PDE3A: variants seen among roughly 807,000 people sequenced by gnomAD.
PDE3A encodes cGMP-inhibited 3',5'-cyclic phosphodiesterase 3A.
PDE3A carries 43 observed loss-of-function variants against 98.3 expected under a neutral mutation model. That is an observed-to-expected ratio of 0.44 (90% CI 0.34 to 0.56). PDE3A has a LOEUF of 0.56. Ranked by LOEUF, PDE3A falls within the 20% of genes least tolerant of loss-of-function variation. The pLI is 0.01. For missense variants in PDE3A, 1,427 were observed against 1,440.7 expected (o/e 0.99, Z 0.15); for synonymous variants, 663 against 567.9 (o/e 1.17, Z -2.38).
chr12:20,390,469 A>AC (rs1285186024), intron 1 of PDE3A, among the ~76,000 whole-genome samples: 25 of 151,338 alleles, frequency 1.7e-4, no homozygotes, highest in African/African-American at 2.4e-4. Flanking sequence ...AAAAAAAAAA[A>AC]AAAACTGCAG....
intron 13 of PDE3A, 125 bp downstream of exon 13, chr12:20,649,016 C>T: frequency 1.6e-6 from 1 of 633,760 alleles, no homozygotes; most frequent in Non-Finnish European, 2.7e-6. Context: ...GCCTCTGCCT[C>T]CTGGGTTCAA....
At chr12:20,541,040 T>G (rs1941887263) in intron 1 of PDE3A, among the ~76,000 whole-genome samples, 2 of 149,978 alleles carry the variant, frequency 1.3e-5, no homozygotes, top group Non-Finnish European at 1.5e-5. Flanking sequence ...AAGTGTATAT[T>G]ATTGACTCAA....
chr12:20,405,377 C>G (rs1469125651), intron 1 of PDE3A, among the ~76,000 whole-genome samples: 1 of 152,134 alleles, frequency 6.6e-6, no homozygotes, highest in East Asian at 1.9e-4. Flanking sequence ...GACCTAAATT[C>G]TCTTCTGTGC....
intron 1 of PDE3A, among the ~76,000 whole-genome samples, chr12:20,444,957 G>C (rs1034435973): frequency 1.3e-5 from 2 of 152,266 alleles, no homozygotes; most frequent in East Asian, 1.9e-4. Context: ...GAGCCTACGC[G>C]GGATCAGTAA....
At chr12:20,540,375 C>A (rs1016452595) in intron 1 of PDE3A, among the ~76,000 whole-genome samples, 4 of 152,014 alleles carry the variant, frequency 2.6e-5, no homozygotes, top group Non-Finnish European at 5.9e-5. Context: ...CAAACTCAAG[C>A]GGAGAATTCC....
At chr12:20,568,326 AT>A (rs1278832552) in intron 2 of PDE3A, among the ~76,000 whole-genome samples, 1 of 152,006 alleles carries the variant, frequency 6.6e-6, no homozygotes, top group African/African-American at 2.4e-5. Flanking sequence ...AACATCAACT[AT>A]TTTTATCTGG....
intron 6 of PDE3A, among the ~76,000 whole-genome samples, chr12:20,632,738 G>T (rs1256408838): frequency 6.6e-6 from 1 of 151,910 alleles, no homozygotes; most frequent in Non-Finnish European, 1.5e-5. Flanking sequence ...ATCCTATGTA[G>T]TCAGTCATCA....
At chr12:20,602,131 T>G (rs1406910616) in intron 2 of PDE3A, among the ~76,000 whole-genome samples, 1 of 152,226 alleles carries the variant, frequency 6.6e-6, no homozygotes, top group Non-Finnish European at 1.5e-5. Flanking sequence ...TGTTTTTTAT[T>G]TACAAAGTAA....
intron 2 of PDE3A, among the ~76,000 whole-genome samples, chr12:20,603,169 G>A (rs1943632844): frequency 6.6e-6 from 1 of 152,100 alleles, no homozygotes; most frequent in South Asian, 2.1e-4. Context: ...AAGCCCCAGT[G>A]ACTATTTCCT....
chr12:20,395,647 A>ATATTATATAT (rs1168635315), intron 1 of PDE3A, among the ~76,000 whole-genome samples: 3 of 146,444 alleles, frequency 2.0e-5, no homozygotes, highest in Non-Finnish European at 3.0e-5. Flanking sequence ...ATATACACAT[A>ATATTATATAT]GTATTATATA....
At chr12:20,522,703 A>G (rs956789588) in intron 1 of PDE3A, among the ~76,000 whole-genome samples, 5 of 152,156 alleles carry the variant, frequency 3.3e-5, no homozygotes, top group Non-Finnish European at 7.3e-5. Context: ...TGTTGAATAA[A>G]TTGGAAATGT....
intron 1 of PDE3A, among the ~76,000 whole-genome samples, chr12:20,475,772 T>G (rs1945522631): frequency 6.6e-6 from 1 of 152,032 alleles, no homozygotes; most frequent in Admixed American, 6.6e-5. Context: ...GAGAAAATGC[T>G]TTCAGTTTTG....
intron 2 of PDE3A, among the ~76,000 whole-genome samples, chr12:20,564,156 T>C (rs1942598592): frequency 6.6e-6 from 1 of 152,058 alleles, no homozygotes; most frequent in South Asian, 2.1e-4. Flanking sequence ...AGTATATTAG[T>C]TCTCTAGCAT....
At chr12:20,472,712 A>C (rs1455962716) in intron 1 of PDE3A, among the ~76,000 whole-genome samples, 1 of 152,180 alleles carries the variant, frequency 6.6e-6, no homozygotes, top group Non-Finnish European at 1.5e-5. Flanking sequence ...GTTTCTTCTG[A>C]AATTTTTTTC....
At position 20,533,619 on chromosome 12, in the gene PDE3A, G is replaced by C. The variant is rs942515779; in HGVS notation, c.961-23041G>C. ...GCCTCAGCCTCCCGAGTAGCTGGGAGTACAGGCGCCACCACCACACCCAGC... is the reference window on the plus strand; with the variant it reads ...GCCTCAGCCTCCCGAGTAGCTGGGACTACAGGCGCCACCACCACACCCAGC... On this transcript the variant is annotated intron_variant, in intron 1 of 15. Transcript: ENST00000359062. Among the ~76,000 whole-genome samples the C allele has an allele frequency of 1.1e-4, 17 of 151,532 alleles. No individual in the cohort carries two copies. In the East Asian group the frequency reaches 2.3e-3, roughly 21 times the overall value.
chr12:20,517,087 C>T lies in PDE3A; in HGVS notation c.961-39573C>T, dbSNP rs1012382287. On this transcript the variant is annotated intron_variant, in intron 1 of 15. Transcript: ENST00000359062. ...GTAAAGCCCTGTAGTTTGACTCTGTCGACAGCAGAAATGTGTTCTTCTATT... is the reference window on the plus strand; with the variant it reads ...GTAAAGCCCTGTAGTTTGACTCTGTTGACAGCAGAAATGTGTTCTTCTATT... Among the ~76,000 whole-genome samples the T allele has an allele frequency of 5.9e-5, 9 of 152,290 alleles. 1 individual carries two copies. The highest frequency in any genetic ancestry group is 3.3e-4 in the Admixed American group (5 of 15,286).
At chr12:20,448,831 G>A (rs1475149995) in intron 1 of PDE3A, among the ~76,000 whole-genome samples, 1 of 145,568 alleles carries the variant, frequency 6.9e-6, no homozygotes, top group African/African-American at 2.5e-5. Flanking sequence ...CAGTCCCCAC[G>A]CCCTAGCCTC....
chr12:20,405,449 TC>T (rs1408074712), intron 1 of PDE3A, among the ~76,000 whole-genome samples: 2 of 152,134 alleles, frequency 1.3e-5, no homozygotes, highest in East Asian at 3.9e-4. Flanking sequence ...CACAAAGCTT[TC>T]TGAATCTATA....
chr12:20,619,798 G>A lies in PDE3A; in HGVS notation c.1425-1498G>A, dbSNP rs1374818091. Among the ~76,000 whole-genome samples the A allele has an allele frequency of 4.9e-4, 74 of 151,984 alleles. 1 individual carries two copies. Among genetic ancestry groups the A allele is most frequent in the Admixed American group, 4.7e-3 (72 of 15,242 alleles). ...ATGGAAAACTGCTATTAGAAGTAAG[G>A]AGAAAAGATGAAGTTTTAAAATACC... On this transcript the variant is annotated intron_variant, in intron 4 of 15. Transcript: ENST00000359062.
Sources: gnomAD v4.1 joint callset for allele counts (sites outside exome capture counted in the v4.1 genomes callset) on GRCh38, gnomAD v4.1.1 for gene constraint, MANE v1.5 for transcripts, NCBI Gene and HGNC (gene_info 2026-07-23, HGNC 2026-07-21) for gene names.